ANO3: variants seen among roughly 807,000 people sequenced by gnomAD.
The protein encoded by ANO3 is anoctamin-3.
ANO3 carries 99 observed loss-of-function variants against 144.8 expected under a neutral mutation model. The ratio of observed to expected loss-of-function variants is 0.68; its 90% CI spans 0.58 to 0.81. The LOEUF is 0.81. Among genes scored for constraint, ANO3 ranks in the 30% least tolerant of loss-of-function variants. The pLI is 0.00. For missense variants in ANO3, 905 were observed against 1,202.2 expected (o/e 0.75, Z 3.66); for synonymous variants, 414 against 392.6 (o/e 1.05, Z -0.64).
intron 9 of ANO3, among the ~76,000 whole-genome samples, chr11:26,535,934 A>T (rs1399245272): frequency 6.6e-6 from 1 of 152,040 alleles, no homozygotes; most frequent in Non-Finnish European, 1.5e-5. Flanking sequence ...TCTAATTAAT[A>T]ATTTATTTAT....
intron 1 of ANO3, among the ~76,000 whole-genome samples, chr11:26,235,001 A>AC (rs1369445816): frequency 6.7e-6 from 1 of 148,354 alleles, no homozygotes; most frequent in Non-Finnish European, 1.5e-5. Context: ...GAGAGAAAAG[A>AC]AAGAGAGAGA....
At chr11:26,539,133 TACACACACACACACACACAC>T (rs68138224) in intron 10 of ANO3, among the ~76,000 whole-genome samples, 2 of 149,198 alleles carry the variant, frequency 1.3e-5, no homozygotes, top group East Asian at 2.0e-4. Context: ...ACAAGAGAAA[TACACACACACACACACACAC>T]ACACACACAC....
At position 26,634,223 on chromosome 11, in the gene ANO3, A is replaced by T. The variant is rs776489654; in HGVS notation, c.1893A>T (p.Ser631=). The T allele has an allele frequency of 1.9e-6, 3 of 1,613,624 alleles. No homozygotes were observed. Among genetic ancestry groups the T allele is most frequent in the Non-Finnish European group, 2.5e-6 (3 of 1,179,566 alleles). Residue 631 remains serine (S), a synonymous_variant, in exon 19 of 27, where the codon TCA becomes TCT. Coordinates refer to ENST00000256737, the MANE Select transcript of ANO3 (RefSeq NM_031418.4). ...TTTTAGAATATCCTCGAACAGAATCAGAGTGGGAAAACAGCTTCGCCCTGA... is the reference window on the plus strand; with the variant it reads ...TTTTAGAATATCCTCGAACAGAATCTGAGTGGGAAAACAGCTTCGCCCTGA... ...LTNLEYPRTE[S]EWENSFALKM... is the part of the protein sequence containing the mutation.
chr11:26,465,034 AT>A (rs1859546948), intron 4 of ANO3, among the ~76,000 whole-genome samples: 1 of 151,576 alleles, frequency 6.6e-6, no homozygotes, highest in African/African-American at 2.4e-5. Flanking sequence ...CAAAAAAGCA[AT>A]AATCTAAATT....
chr11:26,338,697 C>T (rs1430550050), intron 1 of ANO3, among the ~76,000 whole-genome samples: 1 of 149,388 alleles, frequency 6.7e-6, no homozygotes, highest in East Asian at 2.0e-4. Context: ...CCATGAACCC[C>T]CCCACTGGGA....
intron 14 of ANO3, among the ~76,000 whole-genome samples, chr11:26,595,460 GTTTTTTTTTTTTTTTT>G (rs201712393): frequency 9.9e-6 from 1 of 101,384 alleles, no homozygotes; most frequent in African/African-American, 4.2e-5. Context: ...AGATAGAGTT[GTTTTTTTTTTTTTTTT>G]TTTTTTTTTT....
intron 4 of ANO3, among the ~76,000 whole-genome samples, chr11:26,503,618 C>T (rs1465878301): frequency 6.6e-6 from 1 of 152,020 alleles, no homozygotes; most frequent in African/African-American, 2.4e-5. Context: ...CTGGTAAAAA[C>T]TCATCATTAA....
At chr11:26,470,824 A>T (rs138436896) in intron 4 of ANO3, among the ~76,000 whole-genome samples, 38 of 152,112 alleles carry the variant, frequency 2.5e-4, no homozygotes, top group African/African-American at 6.3e-4. Flanking sequence ...TAAATATTAT[A>T]ATATCATTAC....
chr11:26,478,941 T>G (rs935845264), intron 4 of ANO3, among the ~76,000 whole-genome samples: 1 of 152,188 alleles, frequency 6.6e-6, no homozygotes, highest in Non-Finnish European at 1.5e-5. Context: ...CAGTTTTATG[T>G]GTTGCCCAAT....
At chr11:26,328,775 T>C (rs1055446181), upstream of ANO3, among the ~76,000 whole-genome samples, 5 of 152,036 alleles carry the variant, frequency 3.3e-5, no homozygotes, top group Non-Finnish European at 7.4e-5. Flanking sequence ...GCAAGACAGG[T>C]ATATGGGTAG....
intron 3 of ANO3, among the ~76,000 whole-genome samples, chr11:26,461,143 G>C (rs1280231013): frequency 6.6e-6 from 1 of 151,998 alleles, no homozygotes; most frequent in African/African-American, 2.4e-5. Context: ...TGCCTACCGG[G>C]GGAAAGGAAG....
Position 26,385,903 on chromosome 11 carries a change from T to TATATATATATATATATATA in ANO3, c.46+53582_46+53583insATATATATATATATATATA, listed in dbSNP as rs58078292. Among the ~76,000 whole-genome samples, 893 of 148,760 alleles carry TATATATATATATATATATA rather than the reference T, an allele frequency of 6.0e-3. 9 individuals carry two copies. The highest frequency in any genetic ancestry group is 0.035 in the Middle Eastern group (10 of 288). Reference sequence around the variant, plus strand: ...AAGTTCTTTGTGTGTGTATATATATTTATATACATATTTACATGTATAAGC... The same window carrying TATATATATATATATATATA: ...AAGTTCTTTGTGTGTGTATATATATTATATATATATATATATATATATATACATATTTACATGTATAAGC... On this transcript the variant is annotated intron_variant, in intron 1 of 26. Coordinates refer to ENST00000256737, the MANE Select transcript of ANO3 (RefSeq NM_031418.4).
chr11:26,417,185 C>T (rs1423495770), intron 1 of ANO3, among the ~76,000 whole-genome samples: 2 of 152,000 alleles, frequency 1.3e-5, no homozygotes, highest in African/African-American at 4.8e-5. Context: ...AAAGCTTAGA[C>T]AACTAAAGCA....
At chr11:26,483,760 A>G (rs1860325703) in intron 4 of ANO3, among the ~76,000 whole-genome samples, 3 of 152,320 alleles carry the variant, frequency 2.0e-5, no homozygotes, top group Admixed American at 6.5e-5. Context: ...CTGAAAATGT[A>G]GAAGCAACTT....
At chr11:26,602,982 C>G (rs1851841929) in intron 17 of ANO3, among the ~76,000 whole-genome samples, 1 of 152,040 alleles carries the variant, frequency 6.6e-6, no homozygotes, top group African/African-American at 2.4e-5. Flanking sequence ...AGTAGATTGT[C>G]AATCATGAAA....
intron 1 of ANO3, among the ~76,000 whole-genome samples, chr11:26,270,726 C>G (rs1225979553): frequency 6.6e-6 from 1 of 152,118 alleles, no homozygotes; most frequent in Non-Finnish European, 1.5e-5. Flanking sequence ...AAATACAGAC[C>G]TTCTCTCCAA....
intron 1 of ANO3, among the ~76,000 whole-genome samples, chr11:26,302,021 A>C (rs1854244909): frequency 6.6e-6 from 1 of 152,206 alleles, no homozygotes; most frequent in African/African-American, 2.4e-5. Flanking sequence ...AGCCCTGCTA[A>C]GCTACAAGGT....
intron 1 of ANO3, among the ~76,000 whole-genome samples, chr11:26,276,657 A>C (rs1315568800): frequency 6.6e-6 from 1 of 152,168 alleles, no homozygotes; most frequent in Non-Finnish European, 1.5e-5. Context: ...TTAGGAATAC[A>C]CTAGGTTAGA....
At chr11:26,523,785 T>G (rs1849085937) in intron 6 of ANO3, among the ~76,000 whole-genome samples, 1 of 152,210 alleles carries the variant, frequency 6.6e-6, no homozygotes, top group Non-Finnish European at 1.5e-5. Flanking sequence ...TTTTAATTGT[T>G]TAAGAGAAAT....
Sources: allele counts gnomAD v4.1 joint callset (sites outside exome capture counted in the v4.1 genomes callset), GRCh38; gene constraint gnomAD v4.1.1; transcripts MANE v1.5; gene names NCBI Gene and HGNC (gene_info 2026-07-23, HGNC 2026-07-21).